UTRN: variants seen among roughly 807,000 people sequenced by gnomAD.
The protein encoded by UTRN is dystrophin-related protein 1.
In UTRN, 283 loss-of-function variants were observed where a neutral mutation model predicts 463.9. The ratio of observed to expected loss-of-function variants is 0.61; its 90% CI spans 0.55 to 0.67. UTRN has a LOEUF of 0.67. Among genes scored for constraint, UTRN ranks in the 30% least tolerant of loss-of-function variants. The probability of loss-of-function intolerance (pLI) is 0.00; values close to 1 mark genes in which losing one functional copy is unlikely to be tolerated. For missense variants in UTRN, 3,922 were observed against 4,084.3 expected, an observed-to-expected ratio of 0.96 and a Z score of 1.08; for synonymous variants, 1,442 against 1,431.5, an observed-to-expected ratio of 1.01 and a Z score of -0.17.
Position 144,548,641 on chromosome 6 carries a change from T to C in UTRN, c.6597T>C (p.Ala2199=). 2 of 1,611,772 alleles carry C rather than the reference T, an allele frequency of 1.2e-6. No individual in the cohort carries two copies. Among genetic ancestry groups the C allele is most frequent in the South Asian group, 2.2e-5 (2 of 90,654 alleles). The stretch of plus-strand genomic sequence containing the variant: ...CTTTTGCTACATTTTTCATTTCAGC[T>C]CATCCTAATGTCCAAAAGGTGGTGC... ...PSSVSQTRIA[A]HPNVQKVVLV... The change falls in exon 47 of 75, where the codon GCT becomes GCC. Residue 2199 remains alanine, a splice_region_variant and synonymous_variant. Coordinates refer to ENST00000367545, the MANE Select transcript of UTRN (RefSeq NM_007124.3).
At chr6:144,518,321 A>C (rs1046561062) in intron 39 of UTRN, among the ~76,000 whole-genome samples, 1 of 152,222 alleles carries the variant, frequency 6.6e-6, no homozygotes, top group African/African-American at 2.4e-5. Context: ...ATACAGAAAA[A>C]GCTTTAAATG....
intron 74 of UTRN, among the ~76,000 whole-genome samples, chr6:144,848,527 A>G (rs1023331648): frequency 2.0e-5 from 3 of 152,216 alleles, no homozygotes; most frequent in Non-Finnish European, 4.4e-5. Context: ...GGGAGGATCA[A>G]TGGATCCTAT....
At chr6:144,828,187 G>A (rs1340810303) in intron 68 of UTRN, among the ~76,000 whole-genome samples, 2 of 152,122 alleles carry the variant, frequency 1.3e-5, no homozygotes, top group African/African-American at 4.8e-5. Context: ...GTTAATTCAA[G>A]CATCATAAAA....
intron 51 of UTRN, among the ~76,000 whole-genome samples, chr6:144,635,173 A>G (rs1776986607): frequency 7.3e-6 from 1 of 136,866 alleles, no homozygotes; most frequent in Non-Finnish European, 1.5e-5. Flanking sequence ...GACATGAGAC[A>G]GGGTTTTACT....
chr6:144,749,623 AT>A (rs1010636797), intron 55 of UTRN, among the ~76,000 whole-genome samples: 2 of 152,158 alleles, frequency 1.3e-5, no homozygotes, highest in Non-Finnish European at 1.5e-5. Flanking sequence ...GAGCCCCTTA[AT>A]TTGGAAGCTC....
intron 51 of UTRN, among the ~76,000 whole-genome samples, chr6:144,628,035 G>A (rs534772816): frequency 3.9e-5 from 6 of 152,064 alleles, no homozygotes; most frequent in Non-Finnish European, 5.9e-5. Flanking sequence ...TCCTGACCTC[G>A]TGATCCACCC....
intron 53 of UTRN, among the ~76,000 whole-genome samples, chr6:144,706,335 A>G (rs188613166): frequency 1.3e-5 from 2 of 151,890 alleles, no homozygotes; most frequent in East Asian, 1.9e-4. Context: ...AGAATTGTCA[A>G]TTACTGGACT....
At chr6:144,506,861 C>A (rs1794734231) in intron 34 of UTRN, among the ~76,000 whole-genome samples, 2 of 152,072 alleles carry the variant, frequency 1.3e-5, no homozygotes, top group South Asian at 4.1e-4. Flanking sequence ...AGTGTGTTTT[C>A]CAACTTTGTT....
chr6:144,818,033 A>G (rs1779236265), intron 65 of UTRN, among the ~76,000 whole-genome samples: 3 of 152,138 alleles, frequency 2.0e-5, no homozygotes, highest in Admixed American at 2.0e-4. Flanking sequence ...TCTTGAAAAT[A>G]TTTAGCTAAA....
chr6:144,524,651 T>C (rs1796404775), intron 41 of UTRN, among the ~76,000 whole-genome samples: 1 of 152,198 alleles, frequency 6.6e-6, no homozygotes. Flanking sequence ...ACAGTTTGAG[T>C]TCCTTTTAAC....
At chr6:144,327,294 A>G (rs1584293316) in intron 2 of UTRN, among the ~76,000 whole-genome samples, 2 of 152,276 alleles carry the variant, frequency 1.3e-5, no homozygotes, top group Admixed American at 1.3e-4. Context: ...AAGCTCCTGA[A>G]TGTAACTGGA....
In UTRN at chr6:144,643,316, A is replaced by G. The variant is rs532790659; in HGVS notation, c.7480-35090A>G. On this transcript the variant is annotated intron_variant, in intron 51 of 74. Transcript: ENST00000367545. ...TTAGATTATGGTCTATCAGAGAGGA[A>G]TGGAAAATAATGTATTTTAAGGAGA... Among the ~76,000 whole-genome samples the G allele has an allele frequency of 2.0e-5, 3 of 152,322 alleles. No homozygotes were observed. In the East Asian group the frequency reaches 5.8e-4, roughly 29 times the overall value.
At chr6:144,759,079 G>C (rs1012131733) in intron 58 of UTRN, among the ~76,000 whole-genome samples, 1 of 152,016 alleles carries the variant, frequency 6.6e-6, no homozygotes, top group Non-Finnish European at 1.5e-5. Context: ...TGTAAGCTCA[G>C]GGTAAAAAAC....
chr6:144,694,642 T>A (rs761379862), intron 52 of UTRN, among the ~76,000 whole-genome samples: 7 of 152,186 alleles, frequency 4.6e-5, no homozygotes, highest in Non-Finnish European at 7.3e-5. Context: ...TCCAGGAATT[T>A]ATCCATTTCT....
intron 51 of UTRN, among the ~76,000 whole-genome samples, chr6:144,588,435 C>T (rs1023803111): frequency 3.3e-5 from 5 of 152,102 alleles, no homozygotes; most frequent in African/African-American, 1.2e-4. Context: ...TAAAGAATAA[C>T]TAATACATTC....
intron 52 of UTRN, among the ~76,000 whole-genome samples, chr6:144,689,014 G>A (rs1783043802): frequency 6.6e-6 from 1 of 152,130 alleles, no homozygotes; most frequent in Admixed American, 6.5e-5. Flanking sequence ...CAGCCCTCCT[G>A]TCAGGCCAGC....
chr6:144,458,053 T>G (rs1226571312), intron 19 of UTRN, among the ~76,000 whole-genome samples: 2 of 152,238 alleles, frequency 1.3e-5, no homozygotes, highest in Non-Finnish European at 2.9e-5. Flanking sequence ...TTTAGGAACA[T>G]TCTCTACTTT....
At chr6:144,571,403 G>C (rs1800924634) in intron 50 of UTRN, among the ~76,000 whole-genome samples, 1 of 152,130 alleles carries the variant, frequency 6.6e-6, no homozygotes, top group African/African-American at 2.4e-5. Context: ...ACAGAATATA[G>C]TTCTTTTCCC....
rs117811457 is a variant in UTRN, at chr6:144,486,573, G to A, written c.3823-975G>A. Among the ~76,000 whole-genome samples, 372 of 152,224 alleles carry A rather than the reference G, an allele frequency of 2.4e-3. 13 individuals carry two copies. In the East Asian group the frequency reaches 0.058, roughly 24 times the overall value. ...ATCTTGCTATGTTGCCCAGGCTGGA[G>A]TGCAATTGCATGATTTTGGCTCACT... On this transcript the variant is annotated intron_variant, in intron 28 of 74. Coordinates refer to ENST00000367545, the MANE Select transcript of UTRN (RefSeq NM_007124.3).
Sources: allele counts gnomAD v4.1 joint callset (sites outside exome capture counted in the v4.1 genomes callset), GRCh38; gene constraint gnomAD v4.1.1; transcripts MANE v1.5; gene names NCBI Gene and HGNC (gene_info 2026-07-23, HGNC 2026-07-21).